The following STRADA variants were observed in gnomAD, a reference collection of about 807,000 sequenced individuals.
STRADA encodes the protein STE20 related adaptor alpha, also known as STE20-related kinase adapter protein alpha.
In STRADA, 26 loss-of-function variants were observed where a neutral mutation model predicts 55.0. The ratio of observed to expected loss-of-function variants is 0.47; its 90% CI spans 0.35 to 0.66. The LOEUF (loss-of-function observed/expected upper bound fraction) is 0.66. Among genes scored for constraint, STRADA ranks in the 30% least tolerant of loss-of-function variants. STRADA has a pLI of 0.01. For missense variants in STRADA, 443 were observed against 549.7 expected, an observed-to-expected ratio of 0.81 and a Z score of 1.94; for synonymous variants, 197 against 210.9, an observed-to-expected ratio of 0.93 and a Z score of 0.57.
chr17:63,733,685 A>G (rs2038225055), intron 1 of STRADA, among the ~76,000 whole-genome samples: 1 of 152,246 alleles, frequency 6.6e-6, no homozygotes. Context: ...AAAAATGACA[A>G]GAGTGGCTTA....
intron 1 of STRADA, chr17:63,741,435 C>A (rs1325142012): frequency 6.6e-6 from 1 of 152,308 alleles, no homozygotes. Flanking sequence ...AAACCGGCAC[C>A]CAGCCCTAGG....
chr17:63,732,971 T>C (rs2038174834), intron 1 of STRADA, among the ~76,000 whole-genome samples: 1 of 152,012 alleles, frequency 6.6e-6, no homozygotes, highest in Admixed American at 6.6e-5. Context: ...CACTGCAACC[T>C]CCACCTCCCA....
At chr17:63,730,670 C>A (rs982608059) in intron 1 of STRADA, among the ~76,000 whole-genome samples, 2 of 152,026 alleles carry the variant, frequency 1.3e-5, no homozygotes, top group Admixed American at 6.6e-5. Context: ...GATTCTCTGG[C>A]TTCAGCCTCC....
intron 1 of STRADA, among the ~76,000 whole-genome samples, chr17:63,740,300 C>T (rs947386351): frequency 6.6e-6 from 1 of 151,116 alleles, no homozygotes; most frequent in Admixed American, 6.6e-5. Flanking sequence ...CACCTGAGGT[C>T]AGGACCTCAG....
At chr17:63,708,655 C>A (rs1042971426) in intron 8 of STRADA, among the ~76,000 whole-genome samples, 1 of 152,182 alleles carries the variant, frequency 6.6e-6, no homozygotes, top group African/African-American at 2.4e-5. Context: ...TTGCCTCAGC[C>A]TCCTGAGTAG....
At chr17:63,704,167 A>C (rs1407819488) in intron 11 of STRADA, 120 bp from the exon 12 acceptor site, 2 of 1,524,848 alleles carry the variant, frequency 1.3e-6, no homozygotes, top group Admixed American at 2.1e-5. Context: ...CATGGGAAGC[A>C]GTGGCCAGAG....
chr17:63,733,174 A>C (rs576112715), intron 1 of STRADA, among the ~76,000 whole-genome samples: 1 of 152,288 alleles, frequency 6.6e-6, no homozygotes, highest in East Asian at 1.9e-4. Flanking sequence ...TCCTAAGAAG[A>C]TTTTGGGCCT....
At position 63,703,375 on chromosome 17, in the gene STRADA, T is replaced by G; in HGVS notation, c.*224A>C. ...GACTGGGAATGTCGGCTTTGGACCC[T>G]CCTGATCCCTGGTTGTTGAGATTCC... On this transcript the variant is annotated 3_prime_UTR_variant, in exon 13 of 13. Coordinates refer to ENST00000336174, the MANE Select transcript of STRADA (RefSeq NM_001003787.4). 1.9e-6 allele frequency: 1 copy of G among 524,786 alleles called. No individual in the cohort carries two copies. The highest frequency in any genetic ancestry group is 2.3e-5 in the South Asian group (1 of 44,398). The allele number at this position is 524,786 out of a possible 1,614,324, so 32.5% of individuals were successfully genotyped here. A position where few individuals can be genotyped will look rare whatever the true frequency, so the allele number is the denominator to read the frequency against.
intron 1 of STRADA, among the ~76,000 whole-genome samples, chr17:63,733,251 C>G (rs930579330): frequency 1.3e-4 from 20 of 152,308 alleles, no homozygotes; most frequent in African/African-American, 4.1e-4. Context: ...AGGTATGAAT[C>G]TTTATCAGAC....
At chr17:63,713,962 C>G in intron 5 of STRADA, 44 bp downstream of exon 5, 1 of 1,526,330 alleles carries the variant, frequency 6.6e-7, no homozygotes, top group Non-Finnish European at 9.1e-7. Flanking sequence ...TGCAGCAGCC[C>G]CTGGAGCAGA....
At chr17:63,718,914 C>T (rs999718189) in intron 4 of STRADA, 2 of 152,216 alleles carry the variant, frequency 1.3e-5, no homozygotes, top group African/African-American at 4.8e-5. Context: ...GTTACCATTG[C>T]AGCTTATTTC....
chr17:63,730,269 C>A (rs2037942411), intron 1 of STRADA, among the ~76,000 whole-genome samples: 1 of 152,132 alleles, frequency 6.6e-6, no homozygotes, highest in South Asian at 2.1e-4. Context: ...TTTGCCTTAT[C>A]AATGTATTTT....
intron 4 of STRADA, among the ~76,000 whole-genome samples, chr17:63,721,724 A>AAAG (rs1212460858): frequency 3.3e-5 from 5 of 152,100 alleles, no homozygotes; most frequent in Non-Finnish European, 5.9e-5. Context: ...AAAAAAAAAA[A>AAAG]AAAGAAAGAA....
In STRADA at chr17:63,704,537, T is replaced by C. The variant is rs1296491238; in HGVS notation, c.904A>G (p.Thr302Ala). ...AGCTCCTCAGCGGGGATGGTGCTGG[T>C]ATCCAACAGGCAGGGCACTGTGCCG... ...LNGTVPCLLD[T>A]STIPAEELTM... Residue 302 changes from threonine to alanine, a missense_variant, in exon 11 of 13, where the codon ACC becomes GCC. By Grantham distance (58) the Thr-to-Ala change is moderately conservative. Coordinates refer to ENST00000336174, the MANE Select transcript of STRADA (RefSeq NM_001003787.4). 5.2e-6 allele frequency: 8 copies of C among 1,552,206 alleles called. No individual in the cohort carries two copies. The highest frequency in any genetic ancestry group is 6.1e-6 in the Non-Finnish European group (7 of 1,148,000).
At chr17:63,705,214 T>C (rs1489180710) in intron 10 of STRADA, 8 of 463,178 alleles carry the variant, frequency 1.7e-5, no homozygotes, top group East Asian at 7.2e-5. Flanking sequence ...ACTAACGTGA[T>C]AGCCACTAGC....
At chr17:63,716,259 C>T (rs2143962559) in intron 4 of STRADA, among the ~76,000 whole-genome samples, 1 of 152,114 alleles carries the variant, frequency 6.6e-6, no homozygotes, top group African/African-American at 2.4e-5. Context: ...CCATGCCTGG[C>T]TAAGTTTTGT....
chr17:63,711,250 G>T lies in STRADA; in HGVS notation c.349-414C>A, dbSNP rs1440004232. Among the ~76,000 whole-genome samples, 14 of 152,334 alleles carry T rather than the reference G, an allele frequency of 9.2e-5. No individual in the cohort carries two copies. In the East Asian group the frequency reaches 2.7e-3, roughly 29 times the overall value. ...AGGTCTCACTGTGTTGCCCAGGCTG[G>T]TCTCAAACTCCTGGGCTCAAGCAGT... is the stretch of plus-strand genomic sequence containing the variant. On this transcript the variant is annotated intron_variant, in intron 6 of 12. Transcript: ENST00000336174.
chr17:63,726,250 G>GA (rs2037649647), intron 3 of STRADA: 1 of 166,042 alleles, frequency 6.0e-6, no homozygotes, highest in African/African-American at 2.4e-5. Context: ...TTTCTACCAT[G>GA]AAAAAATGAG....
At chr17:63,729,016 C>G (rs2037849165) in intron 1 of STRADA, among the ~76,000 whole-genome samples, 1 of 151,944 alleles carries the variant, frequency 6.6e-6, no homozygotes, top group African/African-American at 2.4e-5. Flanking sequence ...GAAGCAATTA[C>G]CTTCAGTTAT....
Sources: allele counts gnomAD v4.1 joint callset (sites outside exome capture counted in the v4.1 genomes callset), GRCh38; gene constraint gnomAD v4.1.1; transcripts MANE v1.5; gene names NCBI Gene and HGNC (gene_info 2026-07-23, HGNC 2026-07-21).